The following AKAP13 variants were observed in gnomAD, a reference collection of about 807,000 sequenced individuals.
The protein encoded by AKAP13 is A-kinase anchor protein 13.
In AKAP13, 80 loss-of-function variants were observed where a neutral mutation model predicts 264.5. The observed-to-expected ratio is 0.30, with a 90% CI of 0.25 to 0.36. The LOEUF is 0.36. AKAP13 is among the 10% of genes least tolerant of loss of function. The pLI, the probability that AKAP13 is intolerant of heterozygous loss-of-function variation, is 1.00. For missense variants in AKAP13, 3,712 were observed against 3,435.2 expected (o/e 1.08, Z -2.01); for synonymous variants, 1,380 against 1,250.2 (o/e 1.10, Z -2.19).
At position 85,745,608 on chromosome 15, in the gene AKAP13, G is replaced by A. The variant is rs1349474497; in HGVS notation, c.*931G>A. The A allele has an allele frequency of 1.3e-5, 2 of 152,194 alleles. No individual in the cohort carries two copies. Among genetic ancestry groups the A allele is most frequent in the Non-Finnish European group, 2.9e-5 (2 of 68,060 alleles). 9.4% of individuals were successfully genotyped at this position (152,194 alleles called of 1,614,324 possible). Reference sequence around the variant, plus strand: ...GCCACGGCCTCCTGGCTGTGTTCCTGAGCCCCCGTCGTGCCTCTCCCAGAC... The same window carrying A: ...GCCACGGCCTCCTGGCTGTGTTCCTAAGCCCCCGTCGTGCCTCTCCCAGAC... On this transcript the variant is annotated 3_prime_UTR_variant, in exon 37 of 37. Coordinates refer to ENST00000394518, the MANE Select transcript of AKAP13 (RefSeq NM_007200.5).
In AKAP13 at chr15:85,581,405, C is replaced by T; in HGVS notation, c.3337C>T (p.Gln1113Ter). Reference sequence around the variant, plus strand: ...AAGAGAGAATATATCACACAACACCCAAGACATCCTGATTCCAAACGTCTT... The same window carrying T: ...AAGAGAGAATATATCACACAACACCTAAGACATCCTGATTCCAAACGTCTT... ...PRRENISHNTQDILIPNVLLS... is the reference protein window; with the variant it reads ...PRRENISHNT The change falls in exon 7 of 37, where the codon CAA (glutamine) becomes TAA (stop). Residue 1113 changes from glutamine (Q) to a stop codon, truncating the protein, a stop_gained. Coordinates refer to ENST00000394518, the MANE Select transcript of AKAP13 (RefSeq NM_007200.5). LOFTEE classifies it high-confidence loss of function. The T allele has an allele frequency of 6.2e-7, 1 of 1,614,200 alleles. No homozygotes were observed.
chr15:85,585,616 C>G, intron 7 of AKAP13, 86 bp from the exon 8 acceptor site: 1 of 1,568,732 alleles, frequency 6.4e-7, no homozygotes, highest in Non-Finnish European at 8.7e-7. Flanking sequence ...AAACAAAACA[C>G]ATGAAACCTG....
At chr15:85,416,499 A>G (rs557449413) in intron 1 of AKAP13, among the ~76,000 whole-genome samples, 1 of 152,328 alleles carries the variant, frequency 6.6e-6, no homozygotes, top group Non-Finnish European at 1.5e-5. Context: ...ATTCCCGTGG[A>G]CATGACTGGT....
chr15:85,619,269 C>A, intron 8 of AKAP13: 1 of 679,204 alleles, frequency 1.5e-6, no homozygotes, highest in Non-Finnish European at 1.8e-6. Flanking sequence ...ACCTCCAAGG[C>A]TGCGGGTGCG....
intron 4 of AKAP13, among the ~76,000 whole-genome samples, chr15:85,540,693 A>G (rs1196763308): frequency 6.6e-6 from 1 of 152,262 alleles, no homozygotes; most frequent in Non-Finnish European, 1.5e-5. Context: ...TCTTAAAACA[A>G]CACAGACTAA....
At position 85,567,976 on chromosome 15, in the gene AKAP13, G is replaced by GTGTGTGTGTGTGTA. The variant is rs2078669023; in HGVS notation, c.663-7150_663-7149insGTGTGTGTATGTGT. Among the ~76,000 whole-genome samples, 3 of 144,600 alleles carry GTGTGTGTGTGTGTA rather than the reference G, an allele frequency of 2.1e-5. No individual in the cohort carries two copies. In the South Asian group the frequency reaches 6.6e-4, roughly 32 times the overall value. 94.9% of individuals were successfully genotyped at this position (144,600 alleles called of 152,430 possible). A position where few individuals can be genotyped will look rare whatever the true frequency, so the allele number is the denominator to read the frequency against. On this transcript the variant is annotated intron_variant, in intron 5 of 36. Coordinates refer to ENST00000394518, the MANE Select transcript of AKAP13 (RefSeq NM_007200.5). ...TGTGTGTGTGTGTGTGTGTGTGTGT[G>GTGTGTGTGTGTGTA]TGTGTATTTTTTAAAGCCAGTAGAG...
chr15:85,525,964 A>G (rs1231457458), intron 3 of AKAP13, among the ~76,000 whole-genome samples: 1 of 152,236 alleles, frequency 6.6e-6, no homozygotes, highest in African/African-American at 2.4e-5. Context: ...AATCTTTCAT[A>G]AAATGAAATC....
intron 30 of AKAP13, among the ~76,000 whole-genome samples, chr15:85,732,651 C>T (rs1188568433): frequency 6.7e-6 from 1 of 150,082 alleles, no homozygotes; most frequent in Non-Finnish European, 1.5e-5. Context: ...ATTGCAAATC[C>T]TTGTTCTTAA....
chr15:85,670,507 A>G (rs1012955924), intron 14 of AKAP13, among the ~76,000 whole-genome samples: 1 of 149,692 alleles, frequency 6.7e-6, no homozygotes, highest in Admixed American at 6.8e-5. Flanking sequence ...TATCGATAAA[A>G]TTGTGTTATC....
intron 8 of AKAP13, among the ~76,000 whole-genome samples, chr15:85,608,261 A>G (rs182244752): frequency 2.7e-4 from 41 of 152,350 alleles, no homozygotes; most frequent in Admixed American, 2.4e-3. Flanking sequence ...GTGTCTGGCC[A>G]GGAGTATTCT....
At chr15:85,586,195 CTTT>C (rs35834747) in intron 8 of AKAP13, among the ~76,000 whole-genome samples, 3 of 143,842 alleles carry the variant, frequency 2.1e-5, no homozygotes, top group African/African-American at 5.1e-5. Flanking sequence ...TTTTCTTTTT[CTTT>C]TTTTTTTTTG....
At chr15:85,401,825 CAAT>C (rs2071431677) in intron 1 of AKAP13, among the ~76,000 whole-genome samples, 1 of 151,804 alleles carries the variant, frequency 6.6e-6, no homozygotes, top group South Asian at 2.1e-4. Flanking sequence ...GGACATAGGA[CAAT>C]AATAATGGGG....
At chr15:85,508,392 C>A (rs151043805) in intron 2 of AKAP13, among the ~76,000 whole-genome samples, 1 of 152,180 alleles carries the variant, frequency 6.6e-6, no homozygotes, top group African/African-American at 2.4e-5. Flanking sequence ...ATCCACCTGC[C>A]TCGGCCTCCC....
chr15:85,679,940 G>A (rs2084492986), intron 14 of AKAP13, among the ~76,000 whole-genome samples: 1 of 152,168 alleles, frequency 6.6e-6, no homozygotes, highest in Non-Finnish European at 1.5e-5. Context: ...ATTAATTACT[G>A]TGTTCAGAAC....
intron 1 of AKAP13, among the ~76,000 whole-genome samples, chr15:85,473,726 G>T (rs530572265): frequency 6.6e-6 from 1 of 152,210 alleles, no homozygotes; most frequent in Non-Finnish European, 1.5e-5. Flanking sequence ...GGTCATGAGA[G>T]GGGAGGGAGG....
intron 29 of AKAP13, 31 bp from the exon 30 acceptor site, chr15:85,730,482 C>G: frequency 1.2e-6 from 2 of 1,605,798 alleles, no homozygotes; most frequent in South Asian, 2.2e-5. Flanking sequence ...AAACACCAAT[C>G]AAATCACAGA....
intron 5 of AKAP13, among the ~76,000 whole-genome samples, chr15:85,571,320 T>C (rs1446143292): frequency 1.3e-5 from 2 of 152,202 alleles, no homozygotes; most frequent in East Asian, 1.9e-4. Context: ...TAGATTTCAA[T>C]GTTATTGAAC....
At position 85,645,869 on chromosome 15, in the gene AKAP13, A is replaced by C. The variant is rs759302459; in HGVS notation, c.4289A>C (p.Gln1430Pro). The C allele has an allele frequency of 3.1e-6, 5 of 1,613,526 alleles. No individual in the cohort carries two copies. The highest frequency in any genetic ancestry group is 4.2e-6 in the Non-Finnish European group (5 of 1,179,972). ...CTGGGCAGAGAGTGTACCTCAAAAC[A>C]AGGTGTACTTAAAAGAGAATCTGGG... ...VGLGRECTSK[Q>P]GVLKRESGSD... is the part of the protein sequence containing the mutation. Residue 1430 changes from glutamine (Q) to proline (P), a missense_variant, in exon 10 of 37, where the codon CAA becomes CCA. By Grantham distance (76) the Gln-to-Pro change is moderately conservative (BLOSUM62 -1). This residue lies in a region of AKAP13 where 2,759 missense variants were observed against 2,411.7 expected (regional missense o/e 1.14). Coordinates refer to ENST00000394518, the MANE Select transcript of AKAP13 (RefSeq NM_007200.5).
rs2077323137 is a variant in AKAP13, at chr15:85,534,292, T to C, written c.478+412T>C. The C allele has an allele frequency of 3.4e-5, 7 of 207,298 alleles. No individual in the cohort carries two copies. The South Asian group carries it at 9.3e-4, about 28-fold the overall frequency. The allele number at this position is 207,298 out of a possible 1,614,324, so 12.8% of individuals were successfully genotyped here. On this transcript the variant is annotated intron_variant, in intron 4 of 36. Coordinates refer to ENST00000394518, the MANE Select transcript of AKAP13 (RefSeq NM_007200.5). ...GCCTGGAAGTGAAGGAGAGGAAAGA[T>C]TGGGCAGTGAGTGGGAGGAGCATGA...
Sources: allele counts gnomAD v4.1 joint callset (sites outside exome capture counted in the v4.1 genomes callset), GRCh38; gene constraint gnomAD v4.1.1; regional missense constraint gnomAD v4.1.1; transcripts MANE v1.5; gene names NCBI Gene and HGNC (gene_info 2026-07-23, HGNC 2026-07-21).